The following EIF4G3 variants were observed in gnomAD, a reference collection of about 807,000 sequenced individuals.
EIF4G3 encodes the protein eukaryotic translation initiation factor 4 gamma 3, also known as eIF-4-gamma 3.
In EIF4G3, 34 loss-of-function variants were observed where a neutral mutation model predicts 186.4. That is an observed-to-expected ratio of 0.18 (90% CI 0.14 to 0.24). The LOEUF (loss-of-function observed/expected upper bound fraction) is 0.24, where lower values mean the gene tolerates loss of function less well. EIF4G3 is among the 10% of genes least tolerant of loss of function. EIF4G3 has a pLI of 1.00. For missense variants in EIF4G3, 1,536 were observed against 1,948.5 expected (o/e 0.79, Z 3.99); for synonymous variants, 673 against 679.5 (o/e 0.99, Z 0.15).
chr1:21,040,232 C>A (rs780250603), intron 4 of EIF4G3, among the ~76,000 whole-genome samples: 41 of 152,136 alleles, frequency 2.7e-4, no homozygotes, highest in Non-Finnish European at 5.1e-4. Flanking sequence ...AACAGTTTAA[C>A]CAATCATGCA....
intron 14 of EIF4G3, among the ~76,000 whole-genome samples, chr1:20,919,644 CTTTT>C (rs1280766696): frequency 1.3e-5 from 2 of 152,098 alleles, no homozygotes; most frequent in Non-Finnish European, 2.9e-5. Context: ...AAGGAAAAGT[CTTTT>C]TTCTCTTGCC....
intron 14 of EIF4G3, among the ~76,000 whole-genome samples, chr1:20,918,672 G>A (rs995455002): frequency 1.4e-5 from 2 of 141,304 alleles, no homozygotes; most frequent in Non-Finnish European, 3.1e-5. Flanking sequence ...TTCTTACCAC[G>A]AAAACTTTTA....
chr1:20,858,036 C>A (rs2075441568), intron 24 of EIF4G3, among the ~76,000 whole-genome samples: 1 of 152,154 alleles, frequency 6.6e-6, no homozygotes, highest in Non-Finnish European at 1.5e-5. Flanking sequence ...GAATCTACTA[C>A]CAACATTAGC....
At chr1:21,075,311 G>C (rs775525438) in intron 3 of EIF4G3, among the ~76,000 whole-genome samples, 3 of 152,044 alleles carry the variant, frequency 2.0e-5, no homozygotes, top group Non-Finnish European at 4.4e-5. Context: ...GCTCATGTCT[G>C]TAATCCCAGC....
intron 30 of EIF4G3, among the ~76,000 whole-genome samples, chr1:20,839,263 T>TACGGA (rs1342954654): frequency 6.6e-6 from 1 of 150,576 alleles, no homozygotes; most frequent in Non-Finnish European, 1.5e-5. Context: ...AGGTGTGAGC[T>TACGGA]ACGGTGCCCA....
At chr1:21,056,837 A>T (rs1379648722) in intron 3 of EIF4G3, among the ~76,000 whole-genome samples, 1 of 152,214 alleles carries the variant, frequency 6.6e-6, no homozygotes, top group Non-Finnish European at 1.5e-5. Flanking sequence ...TGAAAACAGC[A>T]ACTACTTAAC....
At chr1:21,089,885 T>C (rs536053850) in intron 2 of EIF4G3, among the ~76,000 whole-genome samples, 2 of 152,320 alleles carry the variant, frequency 1.3e-5, no homozygotes, top group Non-Finnish European at 2.9e-5. Flanking sequence ...CTGCCTGCCA[T>C]TGTGCTTATT....
chr1:20,923,472 A>G (rs1183141715), intron 14 of EIF4G3, among the ~76,000 whole-genome samples: 1 of 152,190 alleles, frequency 6.6e-6, no homozygotes, highest in Non-Finnish European at 1.5e-5. Context: ...CTGCAATTTA[A>G]TTCAAGGTAA....
At chr1:21,150,911 G>GGTT (rs912610566) in intron 2 of EIF4G3, among the ~76,000 whole-genome samples, 5 of 152,184 alleles carry the variant, frequency 3.3e-5, no homozygotes, top group African/African-American at 1.2e-4. Flanking sequence ...AGGAGGCAGA[G>GGTT]GTTGCAGTGA....
intron 34 of EIF4G3, among the ~76,000 whole-genome samples, chr1:20,814,774 TCCCCCTCC>T (rs1557738406): frequency 0.033 from 612 of 18,388 alleles, 13 homozygotes; most frequent in Middle Eastern, 0.18. Context: ...CCCCTCCCCC[TCCCCCTCC>T]CCCTCTCCCT....
chr1:20,893,998 T>C (rs4654885), intron 17 of EIF4G3, among the ~76,000 whole-genome samples: 142,943 of 151,182 alleles, frequency 0.95, 68,075 homozygotes, highest in Middle Eastern at 1. Context: ...AAAATATTCA[T>C]CAGGATATAG....
intron 4 of EIF4G3, among the ~76,000 whole-genome samples, chr1:21,016,350 C>T (rs1035369339): frequency 6.6e-6 from 1 of 151,976 alleles, no homozygotes; most frequent in African/African-American, 2.4e-5. Flanking sequence ...CAACTAAGCA[C>T]AACAAAAGGC....
chr1:21,125,829 A>C (rs1421352996), intron 2 of EIF4G3, among the ~76,000 whole-genome samples: 1 of 151,434 alleles, frequency 6.6e-6, no homozygotes, highest in Non-Finnish European at 1.5e-5. Context: ...TAAGTATGAC[A>C]GACCCTGTTC....
chr1:21,002,176 T>C (rs1300824934), intron 5 of EIF4G3, among the ~76,000 whole-genome samples: 1 of 152,216 alleles, frequency 6.6e-6, no homozygotes, highest in Non-Finnish European at 1.5e-5. Flanking sequence ...ATGATAGCAT[T>C]TACATTTGTA....
chr1:20,807,770 T>G (rs2058349766), intron 36 of EIF4G3, among the ~76,000 whole-genome samples: 1 of 143,464 alleles, frequency 7.0e-6, no homozygotes, highest in African/African-American at 2.6e-5. Flanking sequence ...TTTTTTTTTT[T>G]TTTTTTTTTT....
chr1:20,905,660 T>C (rs925168452), intron 14 of EIF4G3, among the ~76,000 whole-genome samples: 1 of 152,222 alleles, frequency 6.6e-6, no homozygotes, highest in Non-Finnish European at 1.5e-5. Flanking sequence ...AAAAAATTCA[T>C]CTGGCTTACA....
At chr1:20,839,010 G>A (rs1010780729) in intron 30 of EIF4G3, among the ~76,000 whole-genome samples, 4 of 151,910 alleles carry the variant, frequency 2.6e-5, no homozygotes, top group African/African-American at 9.7e-5. Context: ...AGGGAGTCTT[G>A]CTCTGTCGCC....
At chr1:20,976,305 T>TCC (rs2076857134) in intron 10 of EIF4G3, among the ~76,000 whole-genome samples, 1 of 152,122 alleles carries the variant, frequency 6.6e-6, no homozygotes, top group South Asian at 2.1e-4. Context: ...TAGGTATATC[T>TCC]CCTAATGCTA....
chr1:20,932,583 ATTG>A (rs1242067728), intron 14 of EIF4G3, among the ~76,000 whole-genome samples: 2 of 152,056 alleles, frequency 1.3e-5, no homozygotes, highest in East Asian at 3.9e-4. Context: ...TAATTTCAAT[ATTG>A]TTGTATCTCA....
Sources: gnomAD v4.1 joint callset for allele counts (sites outside exome capture counted in the v4.1 genomes callset) on GRCh38, gnomAD v4.1.1 for gene constraint, MANE v1.5 for transcripts, NCBI Gene and HGNC (gene_info 2026-07-23, HGNC 2026-07-21) for gene names.